The following CRB1 variants were observed in gnomAD, a reference collection of about 807,000 sequenced individuals.
CRB1 encodes the protein crumbs cell polarity complex component 1.
A neutral mutation model predicts 120.0 loss-of-function variants in CRB1; 83 were observed. The ratio of observed to expected loss-of-function variants is 0.69; its 90% CI spans 0.58 to 0.83. The LOEUF is 0.83. CRB1 is among the 40% of genes least tolerant of loss of function. The probability of loss-of-function intolerance (pLI) is 0.00; values close to 1 mark genes in which losing one functional copy is unlikely to be tolerated. For missense variants in CRB1, 1,699 were observed against 1,687.6 expected (o/e 1.01, Z -0.12); for synonymous variants, 625 against 612.5 (o/e 1.02, Z -0.30).
intron 5 of CRB1, among the ~76,000 whole-genome samples, chr1:197,371,840 A>T (rs1451681702): frequency 6.6e-6 from 1 of 152,090 alleles, no homozygotes; most frequent in Non-Finnish European, 1.5e-5. Context: ...TCCCAGAGGG[A>T]GACATTACTT....
chr1:197,407,476 G>A (rs185950197), intron 5 of CRB1, among the ~76,000 whole-genome samples: 1 of 152,166 alleles, frequency 6.6e-6, no homozygotes, highest in East Asian at 1.9e-4. Flanking sequence ...ACATTTACAT[G>A]GGTAGATAAA....
At chr1:197,448,851 G>A (rs1245288952) in intron 11 of CRB1, among the ~76,000 whole-genome samples, 1 of 152,220 alleles carries the variant, frequency 6.6e-6, no homozygotes, top group Non-Finnish European at 1.5e-5. Flanking sequence ...CTCAAGGCCA[G>A]AGGCCATCTA....
chr1:197,415,383 T>G (rs533642714), intron 5 of CRB1, among the ~76,000 whole-genome samples: 374 of 152,308 alleles, frequency 2.5e-3, no homozygotes, highest in Non-Finnish European at 4.3e-3. Context: ...CAATTACGTA[T>G]GACTCCCCAC....
At chr1:197,375,770 T>C (rs1339252245) in intron 5 of CRB1, among the ~76,000 whole-genome samples, 1 of 152,220 alleles carries the variant, frequency 6.6e-6, no homozygotes, top group East Asian at 1.9e-4. Context: ...CACTCTATTC[T>C]AAATCATTCT....
intron 11 of CRB1, among the ~76,000 whole-genome samples, chr1:197,455,440 C>A (rs541672454): frequency 3.7e-4 from 57 of 152,130 alleles, no homozygotes; most frequent in African/African-American, 1.4e-3. Context: ...CAGTATGCAC[C>A]CAGATACCAT....
At chr1:197,462,094 T>C (rs1666557285) in intron 11 of CRB1, among the ~76,000 whole-genome samples, 1 of 152,186 alleles carries the variant, frequency 6.6e-6, no homozygotes, top group African/African-American at 2.4e-5. Context: ...ATAGTTTGAC[T>C]TTTCCACATT....
intron 11 of CRB1, among the ~76,000 whole-genome samples, chr1:197,459,885 GT>G (rs1414808713): frequency 6.6e-6 from 1 of 151,514 alleles, no homozygotes; most frequent in Non-Finnish European, 1.5e-5. Flanking sequence ...TGGGAGTTTG[GT>G]TTTTGAAACT....
At chr1:197,206,189 A>C in the CRB1 span, among the ~76,000 whole-genome samples, 1 of 151,954 alleles carries the variant, frequency 6.6e-6, no homozygotes, top group African/African-American at 2.4e-5. Context: ...AATTTTATTC[A>C]TCTTTTCAAA....
chr1:197,464,462 C>A lies in CRB1; in HGVS notation c.4006-13202C>A, dbSNP rs115828507. Among the ~76,000 whole-genome samples, 774 of 151,960 alleles carry A rather than the reference C, an allele frequency of 5.1e-3. 9 individuals carry two copies. Among genetic ancestry groups the A allele is most frequent in the African/African-American group, 0.018 (753 of 41,416 alleles). On this transcript the variant is annotated intron_variant, in intron 11 of 11. Coordinates refer to ENST00000367400, the MANE Select transcript of CRB1 (RefSeq NM_201253.3). ...GGTGATTGAATAGAAAAGTTATAGACCCAAGGGAAGTATTTTTTTTTTTAA... is the reference window on the plus strand; with the variant it reads ...GGTGATTGAATAGAAAAGTTATAGAACCAAGGGAAGTATTTTTTTTTTTAA...
chr1:197,354,611 G>A (rs939946502), intron 4 of CRB1, among the ~76,000 whole-genome samples: 1 of 152,064 alleles, frequency 6.6e-6, no homozygotes, highest in Non-Finnish European at 1.5e-5. Context: ...TGGAGGGTTC[G>A]TGGTCTTGTT....
At chr1:197,233,490 A>G in the CRB1 span, among the ~76,000 whole-genome samples, 1 of 152,204 alleles carries the variant, frequency 6.6e-6, no homozygotes, top group African/African-American at 2.4e-5. Context: ...CTCTACTGTG[A>G]ACTCCAGAAG....
At chr1:197,426,069 C>T (rs181749494) in intron 6 of CRB1, among the ~76,000 whole-genome samples, 10 of 151,896 alleles carry the variant, frequency 6.6e-5, no homozygotes, top group African/African-American at 2.2e-4. Context: ...TGGACTCCCA[C>T]CTCACCCAAA....
At chr1:197,302,687 G>T (rs1042350172) in intron 1 of CRB1, among the ~76,000 whole-genome samples, 3 of 152,090 alleles carry the variant, frequency 2.0e-5, no homozygotes, top group African/African-American at 7.2e-5. Flanking sequence ...GTTGGCCAAA[G>T]AATAATATTT....
At chr1:197,249,293 AT>A in the CRB1 span, among the ~76,000 whole-genome samples, 1 of 151,278 alleles carries the variant, frequency 6.6e-6, no homozygotes, top group African/African-American at 2.4e-5. Context: ...ATGGACATAC[AT>A]TTTTTTTTCC....
At chr1:197,326,186 T>C (rs1658483839) in intron 1 of CRB1, among the ~76,000 whole-genome samples, 1 of 152,108 alleles carries the variant, frequency 6.6e-6, no homozygotes, top group Admixed American at 6.5e-5. Flanking sequence ...TCAAGAAATA[T>C]TTACTGAGCA....
the CRB1 span, among the ~76,000 whole-genome samples, chr1:197,248,604 A>G: frequency 1.3e-5 from 2 of 151,964 alleles, no homozygotes; most frequent in African/African-American, 4.8e-5. Flanking sequence ...TATTATAACA[A>G]AAACATTATT....
the CRB1 span, among the ~76,000 whole-genome samples, chr1:197,257,093 A>T: frequency 6.6e-6 from 1 of 151,948 alleles, no homozygotes; most frequent in East Asian, 1.9e-4. Flanking sequence ...CAGGGGAGCT[A>T]ATGATGTAAC....
In CRB1 at chr1:197,472,787, G is replaced by C. The variant is rs539606723; in HGVS notation, c.4006-4877G>C. Among the ~76,000 whole-genome samples, 15 of 152,112 alleles carry C rather than the reference G, an allele frequency of 9.9e-5. No homozygotes were observed. The South Asian group carries it at 3.1e-3, about 31-fold the overall frequency. On this transcript the variant is annotated intron_variant, in intron 11 of 11. Coordinates refer to ENST00000367400, the MANE Select transcript of CRB1 (RefSeq NM_201253.3). ...CACAGTGAGAGTGATAACCCGAAGC[G>C]CCTCCTTGTTCACAAGGATGGCCCT...
upstream of CRB1, among the ~76,000 whole-genome samples, chr1:197,266,231 T>C (rs574909113): frequency 6.6e-6 from 1 of 152,212 alleles, no homozygotes; most frequent in South Asian, 2.1e-4. Context: ...ACAAGAGAAA[T>C]TGACTTCTTA....
Sources: allele counts gnomAD v4.1 joint callset (sites outside exome capture counted in the v4.1 genomes callset), GRCh38; gene constraint gnomAD v4.1.1; transcripts MANE v1.5; gene names NCBI Gene and HGNC (gene_info 2026-07-23, HGNC 2026-07-21).